Variants in SERPINB2 observed in about 807,000 individuals in gnomAD.
The protein encoded by SERPINB2 is serpin family B member 2.
SERPINB2 carries 28 observed loss-of-function variants against 39.4 expected under a neutral mutation model. That is an observed-to-expected ratio of 0.71 (90% CI 0.53 to 0.97). The LOEUF (loss-of-function observed/expected upper bound fraction) is 0.97, where lower values mean the gene tolerates loss of function less well. Ranked by LOEUF, SERPINB2 falls within the 50% of genes least tolerant of loss-of-function variation. The pLI is 0.00. For missense variants in SERPINB2, 557 were observed against 505.3 expected, an observed-to-expected ratio of 1.10 and a Z score of -0.98; for synonymous variants, 209 against 175.1, an observed-to-expected ratio of 1.19 and a Z score of -1.53.
intron 5 of SERPINB2, among the ~76,000 whole-genome samples, chr18:63,900,406 A>G (rs1396843740): frequency 6.6e-6 from 1 of 152,204 alleles, no homozygotes; most frequent in Admixed American, 6.5e-5. Flanking sequence ...GGCTTCACCC[A>G]GGAAAGTATT....
rs559875308 is a variant in SERPINB2 at position 63,892,110 on chromosome 18, A to AG, written c.168+501dup. Among the ~76,000 whole-genome samples, 28 of 151,452 alleles carry AG rather than the reference A, an allele frequency of 1.8e-4. 1 individual carries two copies. The South Asian group carries it at 5.8e-3, about 32-fold the overall frequency. ...TAATAATGTTAAGAGAGTATCACAA[A>AG]GGGAAAAAAAAAAAAACATACCAGG... is the stretch of plus-strand genomic sequence containing the variant. On this transcript the variant is annotated intron_variant, in intron 2 of 7. Transcript: ENST00000299502.
intron 5 of SERPINB2, 152 bp from the exon 6 acceptor site, chr18:63,901,588 A>G (rs2049991219): frequency 2.0e-6 from 1 of 488,210 alleles, no homozygotes; most frequent in African/African-American, 2.0e-5. Context: ...TTTCAATTTT[A>G]ATTTTGCTTT....
At position 63,903,406 on chromosome 18, in the gene SERPINB2, T is replaced by C. The variant is rs1411800329; in HGVS notation, c.*101T>C. On this transcript the variant is annotated 3_prime_UTR_variant, in exon 8 of 8. Coordinates refer to ENST00000299502, the MANE Select transcript of SERPINB2 (RefSeq NM_002575.3). ...AAAATTTAGAGATGTTTTCTACATA[T>C]TTCTGCTCTTCTGAACAACTTCTGC... is the stretch of plus-strand genomic sequence containing the variant. 5.8e-6 allele frequency: 7 copies of C among 1,212,090 alleles called. No homozygotes were observed. Among genetic ancestry groups the C allele is most frequent in the Non-Finnish European group, 5.5e-6 (5 of 901,736 alleles). 75.1% of individuals were successfully genotyped at this position (1,212,090 alleles called of 1,614,324 possible). A position where few individuals can be genotyped will look rare whatever the true frequency, so the allele number is the denominator to read the frequency against.
rs1447449118 is a variant in SERPINB2, at chr18:63,902,941, C to T, written c.884C>T (p.Thr295Ile). 1.2e-6 allele frequency: 2 copies of T among 1,612,222 alleles called. No individual in the cohort carries two copies. Among genetic ancestry groups the T allele is most frequent in the East Asian group, 2.2e-5 (1 of 44,794 alleles). The change falls in exon 8 of 8, where the codon ACC (threonine) becomes ATC (isoleucine). Residue 295 changes from threonine to isoleucine, a missense_variant. Thr to Ile is a moderately conservative substitution (Grantham distance 89, BLOSUM62 -1). Coordinates refer to ENST00000299502, the MANE Select transcript of SERPINB2 (RefSeq NM_002575.3). ...EITYDKLNKW[T>I]SKDKMAEDEV... Reference sequence around the variant, plus strand: ...ACCTATGACAAACTCAACAAGTGGACCAGCAAAGACAAAATGGCTGAAGAT... The same window carrying T: ...ACCTATGACAAACTCAACAAGTGGATCAGCAAAGACAAAATGGCTGAAGAT...
chr18:63,892,336 A>C (rs1422541411), intron 2 of SERPINB2, among the ~76,000 whole-genome samples: 1 of 152,196 alleles, frequency 6.6e-6, no homozygotes, highest in Non-Finnish European at 1.5e-5. Context: ...ACGTGGACTC[A>C]GTCAGGAAAC....
At chr18:63,894,709 A>G (rs1019336900) in intron 2 of SERPINB2, among the ~76,000 whole-genome samples, 1 of 152,248 alleles carries the variant, frequency 6.6e-6, no homozygotes, top group Non-Finnish European at 1.5e-5. Flanking sequence ...GTGTCATCAG[A>G]CCAACTTGTC....
At chr18:63,900,712 C>G (rs1033698529) in intron 5 of SERPINB2, among the ~76,000 whole-genome samples, 5 of 152,146 alleles carry the variant, frequency 3.3e-5, no homozygotes, top group Non-Finnish European at 5.9e-5. Flanking sequence ...ACATGGTACA[C>G]TGCTTCCATC....
chr18:63,895,303 C>G lies in SERPINB2; in HGVS notation c.208C>G (p.Pro70Ala), dbSNP rs1317820457. 6.2e-7 allele frequency: 1 copy of G among 1,613,908 alleles called. No individual in the cohort carries two copies. Among genetic ancestry groups the G allele is most frequent in the Non-Finnish European group, 8.5e-7 (1 of 1,179,936 alleles). The change falls in exon 3 of 8, where the codon CCC becomes GCC. Residue 70 changes from proline to alanine, a missense_variant. Transcript: ENST00000299502. Reference protein sequence around the residue: ...FNEVGANAVTPMTPENFTSCG... With the variant: ...FNEVGANAVTAMTPENFTSCG... Reference sequence around the variant, plus strand: ...TGAAGTGGGAGCCAATGCAGTTACCCCCATGACTCCAGAGAACTTTACCAG... The same window carrying G: ...TGAAGTGGGAGCCAATGCAGTTACCGCCATGACTCCAGAGAACTTTACCAG...
At chr18:63,901,411 C>T (rs1299544823) in intron 5 of SERPINB2, among the ~76,000 whole-genome samples, 7 of 152,152 alleles carry the variant, frequency 4.6e-5, no homozygotes, top group African/African-American at 1.7e-4. Flanking sequence ...TCCCTAAGAA[C>T]CTCTCTTTCA....
At chr18:63,895,186 C>G in intron 2 of SERPINB2, 78 bp from the exon 3 acceptor site, 11 of 1,558,100 alleles carry the variant, frequency 7.1e-6, no homozygotes, top group Non-Finnish European at 9.6e-6. Context: ...CATTTTAGAG[C>G]CACCTGATAG....
At chr18:63,901,680 C>G in intron 5 of SERPINB2, 60 bp from the exon 6 acceptor site, 5 of 1,216,576 alleles carry the variant, frequency 4.1e-6, no homozygotes, top group Non-Finnish European at 5.5e-6. Flanking sequence ...TCAGAAGATT[C>G]AGTAAGTAAT....
intron 2 of SERPINB2, among the ~76,000 whole-genome samples, chr18:63,892,292 T>C (rs1272860703): frequency 6.6e-6 from 1 of 152,210 alleles, no homozygotes; most frequent in Non-Finnish European, 1.5e-5. Flanking sequence ...GAGGGATTTC[T>C]GCAAGGCCAC....
At chr18:63,898,716 G>T (rs529605915) in intron 5 of SERPINB2, among the ~76,000 whole-genome samples, 2 of 152,286 alleles carry the variant, frequency 1.3e-5, no homozygotes, top group Admixed American at 6.5e-5. Context: ...CACAGGAAAG[G>T]CATCTGACTG....
rs761013904 is a variant in SERPINB2 at position 63,897,840 on chromosome 18, C to G, written c.531C>G (p.Thr177=). The G allele has an allele frequency of 2.5e-6, 4 of 1,568,884 alleles. No individual in the cohort carries two copies. In the South Asian group the frequency reaches 4.5e-5, roughly 18 times the overall value. Residue 177 remains threonine, a synonymous_variant, in exon 5 of 8, where the codon ACC becomes ACG. Transcript: ENST00000299502. ...KKINSWVKTQ[T]KGKIPNLLPE... is the part of the protein sequence containing the mutation. Reference sequence around the variant, plus strand: ...TTAATTCCTGGGTCAAGACTCAAACCAAAGGTAAATCCAAGAAAATATTTT... The same window carrying G: ...TTAATTCCTGGGTCAAGACTCAAACGAAAGGTAAATCCAAGAAAATATTTT...
chr18:63,899,132 G>A (rs536135208), intron 5 of SERPINB2, among the ~76,000 whole-genome samples: 1 of 152,290 alleles, frequency 6.6e-6, no homozygotes, highest in African/African-American at 2.4e-5. Flanking sequence ...CAGGATTTAA[G>A]TTGCAGTTTA....
intron 5 of SERPINB2, among the ~76,000 whole-genome samples, chr18:63,900,600 C>T (rs569194195): frequency 3.2e-4 from 48 of 152,230 alleles, no homozygotes; most frequent in African/African-American, 7.9e-4. Context: ...GGGCAGTTTA[C>T]GCAGAAATTT....
chr18:63,903,170 T>A lies in SERPINB2; in HGVS notation c.1113T>A (p.Ala371=), dbSNP rs777063557. 6.2e-7 allele frequency: 1 copy of A among 1,613,766 alleles called. No homozygotes were observed. The highest frequency in any genetic ancestry group is 8.5e-7 in the Non-Finnish European group (1 of 1,179,770). The change falls in exon 8 of 8, where the codon GCT becomes GCA. Residue 371 remains alanine, a synonymous_variant. Coordinates refer to ENST00000299502, the MANE Select transcript of SERPINB2 (RefSeq NM_002575.3). ...DVNEEGTEAA[A]GTGGVMTGRT... ...ATGAGGAGGGCACTGAAGCAGCCGC[T>A]GGCACAGGAGGTGTTATGACAGGGA...
At chr18:63,892,696 C>CAG (rs149420598) in intron 2 of SERPINB2, 1 of 152,130 alleles carries the variant, frequency 6.6e-6, no homozygotes. Flanking sequence ...TGAAGTTTCA[C>CAG]AGAGAGAGCA....
At chr18:63,902,374 C>A in intron 6 of SERPINB2, 30 bp from the exon 7 acceptor site, 1 of 1,515,578 alleles carries the variant, frequency 6.6e-7, no homozygotes, top group South Asian at 1.3e-5. Context: ...TTATAATCGA[C>A]TTCCATATTT....
Sources: gnomAD v4.1 joint callset for allele counts (sites outside exome capture counted in the v4.1 genomes callset) on GRCh38, gnomAD v4.1.1 for gene constraint, MANE v1.5 for transcripts, NCBI Gene and HGNC (gene_info 2026-07-23, HGNC 2026-07-21) for gene names.